Variants in ANO10 observed in about 807,000 individuals in gnomAD.
ANO10 encodes anoctamin-10.
A neutral mutation model predicts 74.7 loss-of-function variants in ANO10; 77 were observed. The observed-to-expected ratio is 1.03, with a 90% CI of 0.86 to 1.25. The LOEUF (loss-of-function observed/expected upper bound fraction) is 1.25, where lower values mean the gene tolerates loss of function less well. Among genes scored for constraint, ANO10 ranks in the 50% most tolerant of loss-of-function variants. The probability of loss-of-function intolerance (pLI) is 0.00; values close to 1 mark genes in which losing one functional copy is unlikely to be tolerated. For missense variants in ANO10, 721 were observed against 778.1 expected (o/e 0.93, Z 0.87); for synonymous variants, 279 against 284.9 (o/e 0.98, Z 0.21).
intron 12 of ANO10, among the ~76,000 whole-genome samples, chr3:43,381,694 TA>T (rs2091963297): frequency 1.3e-5 from 2 of 152,160 alleles, no homozygotes; most frequent in South Asian, 4.1e-4. Context: ...ACAACAGACT[TA>T]AACTATACCC....
At chr3:43,376,144 C>T (rs17075631) in intron 12 of ANO10, among the ~76,000 whole-genome samples, 33,011 of 152,052 alleles carry the variant, frequency 0.22, 4,742 homozygotes, top group East Asian at 0.59. Context: ...AACCTCGATC[C>T]GCAAGGGACT....
intron 11 of ANO10, among the ~76,000 whole-genome samples, chr3:43,498,333 C>A (rs927858022): frequency 9.2e-5 from 14 of 152,300 alleles, no homozygotes; most frequent in Admixed American, 5.9e-4. Flanking sequence ...GGGTGGTACT[C>A]AGCGGGCAAG....
At chr3:43,615,896 G>A (rs1391709079) in intron 1 of ANO10, among the ~76,000 whole-genome samples, 2 of 151,938 alleles carry the variant, frequency 1.3e-5, no homozygotes, top group African/African-American at 2.4e-5. Context: ...CTTGTGATCC[G>A]CCCGCCTCGG....
At chr3:43,680,929 C>T (rs1278319848) in intron 1 of ANO10, among the ~76,000 whole-genome samples, 1 of 152,138 alleles carries the variant, frequency 6.6e-6, no homozygotes, top group Non-Finnish European at 1.5e-5. Context: ...CTGAAGGAAG[C>T]ACTAAACATG....
At chr3:43,523,216 T>C (rs560729988) in intron 11 of ANO10, among the ~76,000 whole-genome samples, 3 of 152,230 alleles carry the variant, frequency 2.0e-5, no homozygotes, top group Non-Finnish European at 2.9e-5. Context: ...CAGCCTACAA[T>C]ACCAAGTAAG....
At chr3:43,409,205 T>C (rs576683841) in intron 12 of ANO10, among the ~76,000 whole-genome samples, 1 of 152,112 alleles carries the variant, frequency 6.6e-6, no homozygotes, top group Admixed American at 6.5e-5. Context: ...CCAGCATTCA[T>C]GGAGCAGAAA....
chr3:43,404,409 T>A (rs2092538178), intron 12 of ANO10, among the ~76,000 whole-genome samples: 1 of 152,202 alleles, frequency 6.6e-6, no homozygotes, highest in South Asian at 2.1e-4. Context: ...CTTTCTGCAG[T>A]TCAGCCTCTG....
intron 11 of ANO10, among the ~76,000 whole-genome samples, chr3:43,488,880 T>C (rs1185205140): frequency 6.6e-6 from 1 of 152,108 alleles, no homozygotes; most frequent in African/African-American, 2.4e-5. Flanking sequence ...CATATGTTTA[T>C]TGTGGCATTA....
intron 11 of ANO10, among the ~76,000 whole-genome samples, chr3:43,504,300 G>GTAGGTAGATAGATAGA (rs71083075): frequency 0.028 from 3,920 of 139,704 alleles, 71 homozygotes; most frequent in East Asian, 0.069. Context: ...AGGTAGGTAG[G>GTAGGTAGATAGATAGA]TAGATAGATA....
At chr3:43,561,516 CA>C in intron 8 of ANO10, 114 bp from the exon 9 acceptor site, 1 of 973,828 alleles carries the variant, frequency 1.0e-6, no homozygotes, top group Non-Finnish European at 1.5e-6. Context: ...TACAATTATG[CA>C]ACAAATAAAA....
At chr3:43,518,782 T>C (rs964760791) in intron 11 of ANO10, among the ~76,000 whole-genome samples, 4 of 152,138 alleles carry the variant, frequency 2.6e-5, no homozygotes, top group Non-Finnish European at 5.9e-5. Flanking sequence ...TAAATTTTAG[T>C]CAGACCGGTT....
At chr3:43,641,349 T>A (rs2083668200) in intron 1 of ANO10, among the ~76,000 whole-genome samples, 1 of 152,146 alleles carries the variant, frequency 6.6e-6, no homozygotes, top group East Asian at 1.9e-4. Context: ...AAATCACTGT[T>A]TACAGTAGAA....
intron 11 of ANO10, among the ~76,000 whole-genome samples, chr3:43,522,594 T>C (rs1219773440): frequency 6.6e-6 from 1 of 152,208 alleles, no homozygotes; most frequent in Admixed American, 6.5e-5. Flanking sequence ...TTTGAAAGTA[T>C]TGATGCTGGA....
At chr3:43,466,285 C>A (rs923322659) in intron 11 of ANO10, among the ~76,000 whole-genome samples, 2 of 148,350 alleles carry the variant, frequency 1.3e-5, no homozygotes, top group African/African-American at 4.9e-5. Flanking sequence ...GCAGGGGAAT[C>A]GCTTGAACCC....
chr3:43,421,526 A>G (rs2092819810), intron 12 of ANO10, among the ~76,000 whole-genome samples: 1 of 151,758 alleles, frequency 6.6e-6, no homozygotes, highest in African/African-American at 2.4e-5. Flanking sequence ...TGTCTCAAAA[A>G]ATAAAGAAAA....
chr3:43,391,548 G>A (rs2092275005), intron 12 of ANO10, among the ~76,000 whole-genome samples: 1 of 152,156 alleles, frequency 6.6e-6, no homozygotes, highest in South Asian at 2.1e-4. Flanking sequence ...TCTTGAGTGT[G>A]GATTGCACCT....
chr3:43,480,718 C>T (rs1233584426), intron 11 of ANO10, among the ~76,000 whole-genome samples: 3 of 152,042 alleles, frequency 2.0e-5, no homozygotes, highest in African/African-American at 7.2e-5. Context: ...GGTGAACTGC[C>T]CAAATGGGAA....
At chr3:43,515,130 G>T (rs2077656369) in intron 11 of ANO10, among the ~76,000 whole-genome samples, 1 of 152,142 alleles carries the variant, frequency 6.6e-6, no homozygotes, top group African/African-American at 2.4e-5. Flanking sequence ...TTTTTCAGAA[G>T]ATCTATAAAT....
chr3:43,484,358 A>G (rs1335434077), intron 11 of ANO10, among the ~76,000 whole-genome samples: 6 of 152,178 alleles, frequency 3.9e-5, no homozygotes, highest in Non-Finnish European at 7.4e-5. Flanking sequence ...GTCTCTTTTC[A>G]GATCTTAAAG....
Sources: gnomAD v4.1 joint callset for allele counts (sites outside exome capture counted in the v4.1 genomes callset) on GRCh38, gnomAD v4.1.1 for gene constraint, MANE v1.5 for transcripts, NCBI Gene and HGNC (gene_info 2026-07-23, HGNC 2026-07-21) for gene names.